The following ABI3BP variants were observed in gnomAD, a reference collection of about 807,000 sequenced individuals.
ABI3BP encodes target of Nesh-SH3.
A neutral mutation model predicts 268.6 loss-of-function variants in ABI3BP; 216 were observed. The ratio of observed to expected loss-of-function variants is 0.80; its 90% CI spans 0.72 to 0.90. The LOEUF (loss-of-function observed/expected upper bound fraction) is 0.90. Among genes scored for constraint, ABI3BP ranks in the 40% least tolerant of loss-of-function variants. ABI3BP has a pLI of 0.00. For missense variants in ABI3BP, 2,090 were observed against 2,182.4 expected, an observed-to-expected ratio of 0.96 and a Z score of 0.84; for synonymous variants, 730 against 730.0, an observed-to-expected ratio of 1.00 and a Z score of 0.00.
intron 1 of ABI3BP, among the ~76,000 whole-genome samples, chr3:100,935,169 C>A (rs1460657119): frequency 1.3e-5 from 2 of 151,950 alleles, no homozygotes; most frequent in Admixed American, 1.3e-4. Context: ...GTGTAAGGAA[C>A]GGATCCAGTT....
chr3:100,816,775 G>A lies in ABI3BP; in HGVS notation c.3149-7C>T. The A allele has an allele frequency of 3.9e-6, 6 of 1,535,594 alleles. No homozygotes were observed. Among genetic ancestry groups the A allele is most frequent in the Non-Finnish European group, 5.2e-6 (6 of 1,146,474 alleles). ...GTCCGTTGTGTTTTAGGAGCTGAAG[G>A]AAGAAACTTTGGATTACTCTAGTGC... On this transcript the variant is annotated splice_region_variant and splice_polypyrimidine_tract_variant and intron_variant, in intron 42 of 67. Transcript: ENST00000471714.
chr3:100,855,154 C>G (rs2098926323), intron 14 of ABI3BP, among the ~76,000 whole-genome samples: 1 of 152,292 alleles, frequency 6.6e-6, no homozygotes, highest in South Asian at 2.1e-4. Context: ...CTTCAAACTC[C>G]TGACCTTGTG....
At chr3:100,881,246 G>A (rs1474069648) in intron 6 of ABI3BP, among the ~76,000 whole-genome samples, 2 of 152,150 alleles carry the variant, frequency 1.3e-5, no homozygotes, top group Non-Finnish European at 2.9e-5. Context: ...TACATTCACT[G>A]TACACAGTCA....
intron 44 of ABI3BP, 130 bp from the exon 45 acceptor site, chr3:100,813,865 T>C: frequency 1.4e-6 from 1 of 717,070 alleles, no homozygotes; most frequent in Non-Finnish European, 2.3e-6. Flanking sequence ...CCATACAGAA[T>C]GTGCCCTATT....
At chr3:100,920,251 A>G (rs2153607561) in intron 2 of ABI3BP, among the ~76,000 whole-genome samples, 2 of 152,282 alleles carry the variant, frequency 1.3e-5, no homozygotes, top group South Asian at 4.1e-4. Flanking sequence ...CTAACCTCTT[A>G]GAGCTGGCCA....
At chr3:100,830,469 G>C (rs970873107) in intron 32 of ABI3BP, 109 bp downstream of exon 32, 2 of 890,254 alleles carry the variant, frequency 2.2e-6, no homozygotes, top group Non-Finnish European at 3.4e-6. Context: ...GAATAATAGA[G>C]GATAACACAG....
chr3:100,775,491 G>A (rs2150101140), intron 59 of ABI3BP, among the ~76,000 whole-genome samples, 156 bp from the exon 60 acceptor site: 1 of 152,234 alleles, frequency 6.6e-6, no homozygotes, highest in East Asian at 1.9e-4. Context: ...TCTTGGTGGA[G>A]ATAGATGTAT....
At chr3:100,822,748 A>G in intron 37 of ABI3BP, 76 bp from the exon 38 acceptor site, 1 of 1,268,572 alleles carries the variant, frequency 7.9e-7, no homozygotes, top group Non-Finnish European at 1.1e-6. Flanking sequence ...GTAAAAAAAC[A>G]TGACTCTACT....
At chr3:100,927,562 A>G (rs1561746866) in intron 1 of ABI3BP, among the ~76,000 whole-genome samples, 1 of 152,192 alleles carries the variant, frequency 6.6e-6, no homozygotes, top group African/African-American at 2.4e-5. Flanking sequence ...GGGGAAATGC[A>G]GGGAACTTTC....
At chr3:100,855,761 T>G (rs1302380215) in intron 14 of ABI3BP, among the ~76,000 whole-genome samples, 2 of 152,120 alleles carry the variant, frequency 1.3e-5, no homozygotes, top group Non-Finnish European at 2.9e-5. Flanking sequence ...GGAAATGGAA[T>G]TCTAAAAAAA....
rs11371725 is a variant in ABI3BP at position 100,768,083 on chromosome 3, G to GTTTT, written c.4742-2138_4742-2135dup. On this transcript the variant is annotated intron_variant, in intron 62 of 67. Coordinates refer to ENST00000471714, the MANE Select transcript of ABI3BP (RefSeq NM_001375547.2). ...CTTCTCTGATTTCCATTTGGCTCAAGTTTTTTTTTTTTTTTTTTTTTGAGA... is the reference window on the plus strand; with the variant it reads ...CTTCTCTGATTTCCATTTGGCTCAAGTTTTTTTTTTTTTTTTTTTTTTTTTGAGA... Among the ~76,000 whole-genome samples the GTTTT allele has an allele frequency of 7.4e-3, 807 of 108,716 alleles. 17 individuals carry two copies. Among genetic ancestry groups the GTTTT allele is most frequent in the Non-Finnish European group, 9.7e-3 (537 of 55,472 alleles). 71.3% of individuals were successfully genotyped at this position (108,716 alleles called of 152,430 possible).
intron 4 of ABI3BP, among the ~76,000 whole-genome samples, chr3:100,897,639 T>A (rs1273450650): frequency 6.6e-6 from 1 of 152,166 alleles, no homozygotes; most frequent in Admixed American, 6.5e-5. Context: ...ATCAAATCAA[T>A]GGTTGTTTCT....
In ABI3BP at chr3:100,778,464, A is replaced by G; in HGVS notation, c.4241-88T>C. 5 of 1,120,908 alleles carry G rather than the reference A, an allele frequency of 4.5e-6. No individual in the cohort carries two copies. The South Asian group carries it at 7.7e-5, about 17-fold the overall frequency. The allele number at this position is 1,120,908 out of a possible 1,614,324, so 69.4% of individuals were successfully genotyped here. A position where few individuals can be genotyped will look rare whatever the true frequency, so the allele number is the denominator to read the frequency against. On this transcript the variant is annotated intron_variant, in intron 58 of 67. Transcript: ENST00000471714. Reference sequence around the variant, plus strand: ...AAAACAGGGTTTTTAAAAATAAAAAATAATGTTTGATAATTAGCAGTTGGA... The same window carrying G: ...AAAACAGGGTTTTTAAAAATAAAAAGTAATGTTTGATAATTAGCAGTTGGA...
intron 24 of ABI3BP, among the ~76,000 whole-genome samples, chr3:100,839,098 CTAT>C (rs758266006): frequency 6.6e-6 from 1 of 152,096 alleles, no homozygotes; most frequent in Non-Finnish European, 1.5e-5. Context: ...CTATCCATAC[CTAT>C]TCAAAAACAT....
At chr3:100,887,092 T>C (rs1167178276) in intron 4 of ABI3BP, among the ~76,000 whole-genome samples, 2 of 151,992 alleles carry the variant, frequency 1.3e-5, no homozygotes, top group African/African-American at 4.8e-5. Flanking sequence ...AATGTGAAAA[T>C]GGAGTTTCAG....
chr3:100,862,782 G>A (rs1346225372), intron 13 of ABI3BP, 56 bp downstream of exon 13: 4 of 1,247,108 alleles, frequency 3.2e-6, no homozygotes, highest in African/African-American at 1.5e-5. Context: ...GTGTCCTGCA[G>A]AATTAAGCAA....
At chr3:100,888,736 C>T (rs1456668045) in intron 4 of ABI3BP, among the ~76,000 whole-genome samples, 1 of 151,916 alleles carries the variant, frequency 6.6e-6, no homozygotes, top group Non-Finnish European at 1.5e-5. Flanking sequence ...CCTTCTTCTC[C>T]TAGTTAGGTT....
chr3:100,982,717 T>C (rs922544752), intron 1 of ABI3BP, among the ~76,000 whole-genome samples: 1 of 151,916 alleles, frequency 6.6e-6, no homozygotes, highest in Admixed American at 6.6e-5. Flanking sequence ...AAAGGAATAG[T>C]TAGGGAAGAA....
At chr3:100,956,692 A>C (rs1372169200) in intron 1 of ABI3BP, among the ~76,000 whole-genome samples, 1 of 152,218 alleles carries the variant, frequency 6.6e-6, no homozygotes, top group Non-Finnish European at 1.5e-5. Context: ...AAAGCAAGGA[A>C]ACAGGAAGAG....
Sources: gnomAD v4.1 joint callset for allele counts (sites outside exome capture counted in the v4.1 genomes callset) on GRCh38, gnomAD v4.1.1 for gene constraint, MANE v1.5 for transcripts, NCBI Gene and HGNC (gene_info 2026-07-23, HGNC 2026-07-21) for gene names.